Variants in FANK1 observed in about 807,000 individuals in gnomAD.
The protein encoded by FANK1 is fibronectin type 3 and ankyrin repeat domains protein 1.
FANK1 carries 44 observed loss-of-function variants against 45.3 expected under a neutral mutation model. The ratio of observed to expected loss-of-function variants is 0.97; its 90% CI spans 0.76 to 1.25. The LOEUF (loss-of-function observed/expected upper bound fraction) is 1.25. Among genes scored for constraint, FANK1 ranks in the 50% most tolerant of loss-of-function variants. FANK1 has a pLI of 0.00. For missense variants in FANK1, 391 were observed against 424.4 expected (o/e 0.92, Z 0.69); for synonymous variants, 149 against 152.5 (o/e 0.98, Z 0.17).
At chr10:125,936,416 G>A (rs1421664614) in intron 1 of FANK1, among the ~76,000 whole-genome samples, 1 of 142,292 alleles carries the variant, frequency 7.0e-6, no homozygotes, top group Non-Finnish European at 1.5e-5. Context: ...GAACCCACTG[G>A]AGCGAGATGC....
chr10:126,008,319 TGG>T, intron 7 of FANK1, 86 bp from the exon 8 acceptor site: 1 of 1,466,754 alleles, frequency 6.8e-7, no homozygotes, highest in Non-Finnish European at 9.1e-7. Context: ...GTCCGGGTGT[TGG>T]GGCAAGCAAA....
At chr10:125,977,210 C>T (rs1453336545) in intron 1 of FANK1, among the ~76,000 whole-genome samples, 1 of 152,168 alleles carries the variant, frequency 6.6e-6, no homozygotes, top group African/African-American at 2.4e-5. Context: ...CTGGTTCTTT[C>T]TCATCTGAGT....
intron 1 of FANK1, among the ~76,000 whole-genome samples, chr10:125,940,515 ATC>A (rs1948384015): frequency 6.6e-6 from 1 of 152,134 alleles, no homozygotes; most frequent in Non-Finnish European, 1.5e-5. Context: ...GTTTTCTCCT[ATC>A]TCAGAATAGA....
At chr10:125,920,718 A>G (rs182854707) in intron 1 of FANK1, among the ~76,000 whole-genome samples, 40 of 152,338 alleles carry the variant, frequency 2.6e-4, no homozygotes, top group East Asian at 1.3e-3. Context: ...GTTTGCAGCA[A>G]TGGTTGGTTC....
chr10:125,937,258 G>A (rs1026734905), intron 1 of FANK1, among the ~76,000 whole-genome samples: 1 of 152,202 alleles, frequency 6.6e-6, no homozygotes, highest in African/African-American at 2.4e-5. Flanking sequence ...CTCACCCACA[G>A]TGTAAGGAAG....
chr10:125,921,075 A>T (rs11816539), intron 1 of FANK1, among the ~76,000 whole-genome samples: 2,460 of 152,308 alleles, frequency 0.016, 69 homozygotes, highest in African/African-American at 0.056. Context: ...TTCCACTGGG[A>T]TTAAATTGAT....
rs768285718 is a variant in FANK1, at chr10:125,980,291, G to T, written c.144G>T (p.Ser48=). Residue 48 remains serine (S), a synonymous_variant, in exon 2 of 11, where the codon TCG becomes TCT. Transcript: ENST00000368693. ...QGPQEQWFRF[S]IEEEDPKMHT... ...CTCAAGAGCAGTGGTTCAGGTTCTCGATTGAAGAAGAAGACCCCAAAATGC... is the reference window on the plus strand; with the variant it reads ...CTCAAGAGCAGTGGTTCAGGTTCTCTATTGAAGAAGAAGACCCCAAAATGC... 3 of 1,613,966 alleles carry T rather than the reference G, an allele frequency of 1.9e-6. No individual in the cohort carries two copies. The highest frequency in any genetic ancestry group is 2.5e-6 in the Non-Finnish European group (3 of 1,179,934).
rs983270590 is a variant in FANK1 at position 125,905,140 on chromosome 10, A to C, written c.13+8485A>C. Among the ~76,000 whole-genome samples, 11 of 114,264 alleles carry C rather than the reference A, an allele frequency of 9.6e-5. 1 individual carries two copies. Among genetic ancestry groups the C allele is most frequent in the Admixed American group, 2.5e-4 (3 of 11,868 alleles). 75.0% of individuals were successfully genotyped at this position (114,264 alleles called of 152,430 possible). Reference sequence around the variant, plus strand: ...AGCGAGACTCTGTCCCAAAAAAAAAAAAAAAAAAAACAAAAAAAACGTTTC... The same window carrying C: ...AGCGAGACTCTGTCCCAAAAAAAAACAAAAAAAAAACAAAAAAAACGTTTC... On this transcript the variant is annotated intron_variant, in intron 1 of 10. Coordinates refer to ENST00000368693, the MANE Select transcript of FANK1 (RefSeq NM_145235.5).
intron 1 of FANK1, among the ~76,000 whole-genome samples, chr10:125,978,603 G>A (rs537564844): frequency 2.8e-4 from 43 of 152,288 alleles, no homozygotes; most frequent in African/African-American, 8.9e-4. Flanking sequence ...GTCCGGCCAC[G>A]TTTCGGTAGA....
intron 1 of FANK1, among the ~76,000 whole-genome samples, chr10:125,915,270 T>C (rs561398059): frequency 2.7e-4 from 32 of 117,058 alleles, no homozygotes; most frequent in African/African-American, 1.1e-3. Flanking sequence ...CATATAGATA[T>C]AAATGTTATT....
At chr10:125,959,458 C>T (rs915863583) in intron 1 of FANK1, among the ~76,000 whole-genome samples, 3 of 134,032 alleles carry the variant, frequency 2.2e-5, no homozygotes, top group Admixed American at 2.2e-4. Context: ...TATTTAGGTA[C>T]AACCACAACT....
chr10:125,926,271 C>T (rs749558979), intron 1 of FANK1, among the ~76,000 whole-genome samples: 3 of 152,216 alleles, frequency 2.0e-5, no homozygotes, highest in Non-Finnish European at 4.4e-5. Context: ...TAACATCTTG[C>T]GTAACTACCT....
intron 1 of FANK1, chr10:125,960,363 T>C (rs1250210689): frequency 1.9e-5 from 4 of 207,552 alleles, no homozygotes. Context: ...CTTGAGCTGC[T>C]CCACCAGGCG....
intron 1 of FANK1, among the ~76,000 whole-genome samples, chr10:125,944,074 G>T (rs11244710): frequency 0.018 from 2,715 of 152,302 alleles, 33 homozygotes; most frequent in Middle Eastern, 0.034. Context: ...AACTGCGTTT[G>T]AATTATTCTT....
chr10:125,981,133 G>C (rs905821224), intron 2 of FANK1, among the ~76,000 whole-genome samples: 1 of 152,174 alleles, frequency 6.6e-6, no homozygotes, highest in Non-Finnish European at 1.5e-5. Context: ...CGCTCTAGCC[G>C]GTTCCTTGAC....
At chr10:125,899,463 G>A (rs111890254) in intron 1 of FANK1, among the ~76,000 whole-genome samples, 459 of 124,034 alleles carry the variant, frequency 3.7e-3, no homozygotes, top group Non-Finnish European at 4.4e-3. Flanking sequence ...CTCCTGCCTC[G>A]TCCTCCCAAA....
intron 1 of FANK1, among the ~76,000 whole-genome samples, chr10:125,911,036 CAAAA>C (rs60802998): frequency 7.6e-6 from 1 of 130,880 alleles, no homozygotes; most frequent in African/African-American, 2.8e-5. Flanking sequence ...TCCGTCTTTC[CAAAA>C]AAAAAAAAAG....
rs1001621925 is a variant in FANK1, at chr10:126,004,989, C to T, written c.645C>T (p.His215=). Residue 215 remains histidine, a synonymous_variant, in exon 7 of 11, where the codon CAC becomes CAT. Transcript: ENST00000368693. ...ACCTGGGAGGCTGTACAGCTCTGCACTGGGCTGCAGATGGAGGCCACTGCA... is the reference window on the plus strand; with the variant it reads ...ACCTGGGAGGCTGTACAGCTCTGCATTGGGCTGCAGATGGAGGCCACTGCA... ...ARDLGGCTAL[H]WAADGGHCSV... The T allele has an allele frequency of 6.2e-7, 1 of 1,614,038 alleles. No homozygotes were observed. Among genetic ancestry groups the T allele is most frequent in the Admixed American group, 1.7e-5 (1 of 59,998 alleles).
chr10:125,994,823 T>C lies in FANK1; in HGVS notation c.317-594T>C, dbSNP rs1952199612. On this transcript the variant is annotated intron_variant, in intron 3 of 10. Transcript: ENST00000368693. ...CCCCGGCTGTGGCCCATTGTTCTTT[T>C]AGGCTTCTGGACTCCTCCTGGGTCT... 6.1e-6 allele frequency: 6 copies of C among 985,330 alleles called. No individual in the cohort carries two copies. The South Asian group carries it at 2.8e-4, about 46-fold the overall frequency. 61.0% of individuals were successfully genotyped at this position (985,330 alleles called of 1,614,324 possible).
Sources: gnomAD v4.1 joint callset for allele counts (sites outside exome capture counted in the v4.1 genomes callset) on GRCh38, gnomAD v4.1.1 for gene constraint, MANE v1.5 for transcripts, NCBI Gene and HGNC (gene_info 2026-07-23, HGNC 2026-07-21) for gene names.